Variants in PTPRU observed in about 807,000 individuals in gnomAD.
The protein encoded by PTPRU is protein tyrosine phosphatase receptor type U, also known as receptor-type tyrosine-protein phosphatase U.
In PTPRU, 69 loss-of-function variants were observed where a neutral mutation model predicts 166.3. The observed-to-expected ratio is 0.41, with a 90% CI of 0.34 to 0.51. The LOEUF (loss-of-function observed/expected upper bound fraction) is 0.51. Among genes scored for constraint, PTPRU ranks in the 20% least tolerant of loss-of-function variants. The pLI, the probability that PTPRU is intolerant of heterozygous loss-of-function variation, is 0.09. For synonymous variants in PTPRU, 793 were observed against 814.0 expected, an observed-to-expected ratio of 0.97 and a Z score of 0.44; for missense variants, 1,657 against 2,013.7, an observed-to-expected ratio of 0.82 and a Z score of 3.39.
At chr1:29,292,303 A>G (rs1686677524) in intron 15 of PTPRU, among the ~76,000 whole-genome samples, 1 of 152,168 alleles carries the variant, frequency 6.6e-6, no homozygotes, top group South Asian at 2.1e-4. Context: ...GATCAGAGGG[A>G]TCAGAGTGGC....
At chr1:29,307,926 A>G (rs1391458322) in intron 18 of PTPRU, among the ~76,000 whole-genome samples, 1 of 151,644 alleles carries the variant, frequency 6.6e-6, no homozygotes, top group Non-Finnish European at 1.5e-5. Context: ...ACGCCCAGCT[A>G]ATTTTTGTAT....
At chr1:29,289,869 C>T (rs2151957092) in intron 14 of PTPRU, among the ~76,000 whole-genome samples, 1 of 152,308 alleles carries the variant, frequency 6.6e-6, no homozygotes, top group East Asian at 1.9e-4. Context: ...TTTCTTTCCT[C>T]TGCTCTGTCC....
rs1291367485 is a variant in PTPRU, at chr1:29,284,878, G to A, written c.2318+9G>A. On this transcript the variant is annotated intron_variant, in intron 14 of 29. Coordinates refer to ENST00000373779, the MANE Select transcript of PTPRU (RefSeq NM_133178.4). Reference sequence around the variant, plus strand: ...GTCATCATCCGCAAAGGGTGAGTGAGGCCGGTGCCCTGTCCCACCAGTGGC... The same window carrying A: ...GTCATCATCCGCAAAGGGTGAGTGAAGCCGGTGCCCTGTCCCACCAGTGGC... 1 of 1,603,534 alleles carries A rather than the reference G, an allele frequency of 6.2e-7. No homozygotes were observed. Among genetic ancestry groups the A allele is most frequent in the Non-Finnish European group, 8.5e-7 (1 of 1,173,716 alleles).
Position 29,260,131 on chromosome 1 carries a change from GCC to G in PTPRU, c.850+88_850+89del. 2 of 1,224,074 alleles carry G rather than the reference GCC, an allele frequency of 1.6e-6. No homozygotes were observed. The highest frequency in any genetic ancestry group is 1.0e-6 in the Non-Finnish European group (1 of 954,464). The allele number at this position is 1,224,074 out of a possible 1,614,324, so 75.8% of individuals were successfully genotyped here. On this transcript the variant is annotated intron_variant, in intron 6 of 29. Transcript: ENST00000373779. This position sits in a 1 kb window ranked among gnomAD's most constrained non-coding sequence, Gnocchi z 8.3. ...GGGGCGGGCTCTGCCCGGGGGCGTG[GCC>G]GTGGGGGGTGGGGCCGGCAGGGTGT...
rs552024707 is a variant in PTPRU, at chr1:29,317,166, C to T, written c.3514-582C>T. Among the ~76,000 whole-genome samples the T allele has an allele frequency of 3.3e-4, 50 of 152,244 alleles. No homozygotes were observed. The Middle Eastern group carries it at 0.017, about 52-fold the overall frequency. On this transcript the variant is annotated intron_variant, in intron 24 of 29. Transcript: ENST00000373779. This position sits in a 1 kb window ranked among gnomAD's most constrained non-coding sequence, Gnocchi z 5.6. ...AACTGAGAGCCCCTGGGTCTGGATG[C>T]GTGAGGTGTGAAGGCATGCGGGCGG...
chr1:29,287,965 C>G (rs945028852), intron 14 of PTPRU, among the ~76,000 whole-genome samples: 9 of 152,062 alleles, frequency 5.9e-5, no homozygotes, highest in Non-Finnish European at 1.0e-4. Context: ...AGGCGCCCAC[C>G]ACCATACTCG....
At chr1:29,319,666 T>C (rs747394349) in intron 25 of PTPRU, among the ~76,000 whole-genome samples, 5 of 152,222 alleles carry the variant, frequency 3.3e-5, no homozygotes, top group Non-Finnish European at 7.3e-5. Context: ...AGGGGGGCTC[T>C]TTGTTTCTCT....
At chr1:29,323,300 G>A (rs574540466) in intron 26 of PTPRU, 71 bp from the exon 27 acceptor site, 2 of 1,551,416 alleles carry the variant, frequency 1.3e-6, no homozygotes, top group Non-Finnish European at 1.7e-6. Context: ...GAGCCCTTGG[G>A]GTGGGCATGG....
chr1:29,304,680 C>A, intron 16 of PTPRU, 94 bp from the exon 17 acceptor site: 1 of 930,698 alleles, frequency 1.1e-6, no homozygotes, highest in Admixed American at 2.6e-5. Flanking sequence ...CTTATCATCC[C>A]ACCCCCATCC....
chr1:29,269,244 A>ATCTTTTT (rs1400657012), intron 7 of PTPRU, among the ~76,000 whole-genome samples: 2 of 27,610 alleles, frequency 7.2e-5, no homozygotes, highest in Admixed American at 8.1e-4. Context: ...ATATATATAT[A>ATCTTTTT]TATTTTTTTT....
Position 29,323,777 on chromosome 1 carries a change from C to T in PTPRU, c.4101C>T (p.Ile1367=), listed in dbSNP as rs201795899. Residue 1367 remains isoleucine, a synonymous_variant, in exon 28 of 30, where the codon ATC becomes ATT. Coordinates refer to ENST00000373779, the MANE Select transcript of PTPRU (RefSeq NM_133178.4). The part of the protein sequence containing the change: ...WQAESGDGRT[I]VHCLNGGGRS... ...CCGAGAGTGGGGATGGGCGCACCATCGTGCACTGCCTGTGAGTACCTGCCC... is the reference window on the plus strand; with the variant it reads ...CCGAGAGTGGGGATGGGCGCACCATTGTGCACTGCCTGTGAGTACCTGCCC... 6 of 1,613,878 alleles carry T rather than the reference C, an allele frequency of 3.7e-6. No individual in the cohort carries two copies. The highest frequency in any genetic ancestry group is 1.7e-5 in the Admixed American group (1 of 59,998).
At chr1:29,300,244 C>T (rs1427855553) in intron 15 of PTPRU, among the ~76,000 whole-genome samples, 1 of 152,170 alleles carries the variant, frequency 6.6e-6, no homozygotes, top group African/African-American at 2.4e-5. Flanking sequence ...GTCTACATTG[C>T]ACAGTGTTCT....
intron 28 of PTPRU, 148 bp from the exon 29 acceptor site, chr1:29,325,043 A>G: frequency 9.2e-7 from 1 of 1,082,418 alleles, no homozygotes; most frequent in South Asian, 1.6e-5. Flanking sequence ...TCCGCCCCTC[A>G]CCTCTGGGCT....
chr1:29,266,719 T>C (rs1182798954), intron 7 of PTPRU, among the ~76,000 whole-genome samples: 2 of 152,184 alleles, frequency 1.3e-5, no homozygotes, highest in Admixed American at 1.3e-4. Flanking sequence ...TGCGAGGTGC[T>C]ATTGTGGTTG....
intron 7 of PTPRU, among the ~76,000 whole-genome samples, chr1:29,262,353 C>T (rs1299116582): frequency 2.0e-5 from 3 of 152,088 alleles, no homozygotes; most frequent in African/African-American, 7.2e-5. Flanking sequence ...TTAAAATGTA[C>T]AGTTCAGTGG....
chr1:29,238,157 C>G lies in PTPRU; in HGVS notation c.73+1440C>G, dbSNP rs1683868293. ...CCGGGTGTGTTTCGGAGTCTGGTGT[C>G]TTTGGTGTGCGTGCGCGTGTGTGTG... On this transcript the variant is annotated intron_variant, in intron 1 of 29. Coordinates refer to ENST00000373779, the MANE Select transcript of PTPRU (RefSeq NM_133178.4). The surrounding 1 kb of genome is among the most constrained non-coding windows in gnomAD (Gnocchi z 6.1). 2.6e-5 allele frequency among the ~76,000 whole-genome samples: 4 copies of G among 151,818 alleles called. No homozygotes were observed. In the South Asian group the frequency reaches 8.3e-4, roughly 32 times the overall value.
chr1:29,248,658 C>T (rs2151941034), intron 1 of PTPRU, among the ~76,000 whole-genome samples: 1 of 152,216 alleles, frequency 6.6e-6, no homozygotes, highest in East Asian at 1.9e-4. Flanking sequence ...CCGCATTGGG[C>T]ATGGAGTGCT....
chr1:29,254,046 G>A (rs1026665392), intron 1 of PTPRU, among the ~76,000 whole-genome samples: 1 of 152,178 alleles, frequency 6.6e-6, no homozygotes, highest in Non-Finnish European at 1.5e-5. Flanking sequence ...GATCCACCAC[G>A]TGGTGCTGTG....
rs192202365 is a variant in PTPRU, at chr1:29,288,179, T to C, written c.2318+3310T>C. 6.3e-4 allele frequency among the ~76,000 whole-genome samples: 96 copies of C among 152,314 alleles called. 1 individual carries two copies. Among genetic ancestry groups the C allele is most frequent in the African/African-American group, 1.9e-3 (77 of 41,562 alleles). The stretch of plus-strand genomic sequence containing the variant: ...ATGGAGGTGAAGTTCTTTTATTTAT[T>C]TTTCCTCATTTATTGATTACTCCAT... On this transcript the variant is annotated intron_variant, in intron 14 of 29. Coordinates refer to ENST00000373779, the MANE Select transcript of PTPRU (RefSeq NM_133178.4).
Sources: allele counts gnomAD v4.1 joint callset (sites outside exome capture counted in the v4.1 genomes callset), GRCh38; gene constraint gnomAD v4.1.1; non-coding constraint Gnocchi (gnomAD v3.1); transcripts MANE v1.5; gene names NCBI Gene and HGNC (gene_info 2026-07-23, HGNC 2026-07-21).